The following ANK2 variants were observed in gnomAD, a reference collection of about 807,000 sequenced individuals.
ANK2 encodes ankyrin 2.
ANK2 carries 83 observed loss-of-function variants against 360.5 expected under a neutral mutation model. That is an observed-to-expected ratio of 0.23 (90% CI 0.19 to 0.28). ANK2 has a LOEUF of 0.28. Ranked by LOEUF, ANK2 falls within the 10% of genes least tolerant of loss-of-function variation. The pLI, the probability that ANK2 is intolerant of heterozygous loss-of-function variation, is 1.00. For missense variants in ANK2, 4,201 were observed against 4,795.7 expected (o/e 0.88, Z 3.66); for synonymous variants, 1,740 against 1,759.5 (o/e 0.99, Z 0.28).
In ANK2 at chr4:113,274,611, C is replaced by A. The variant is rs576163042; in HGVS notation, c.1645C>A (p.Leu549Ile). The A allele has an allele frequency of 1.2e-6, 2 of 1,614,220 alleles. No individual in the cohort carries two copies. Among genetic ancestry groups the A allele is most frequent in the Non-Finnish European group, 1.7e-6 (2 of 1,180,046 alleles). The change falls in exon 15 of 46, where the codon CTA (leucine) becomes ATA (isoleucine). Residue 549 changes from leucine (L) to isoleucine (I), a missense_variant. Around this residue, in one of 4 missense-constraint regions of ANK2, gnomAD observed 1,268 missense variants for 1,650.8 expected, o/e 0.77. Coordinates refer to ENST00000357077, the MANE Select transcript of ANK2 (RefSeq NM_001148.6). ...REGQVDVASV[L>I]LEAGAAHSLA... ...GGGCCAGGTGGATGTGGCATCAGTC[C>A]TATTGGAAGCAGGAGCAGCCCACTC... is the stretch of plus-strand genomic sequence containing the variant.
intron 1 of ANK2, among the ~76,000 whole-genome samples, chr4:113,156,703 G>T (rs1405257831): frequency 2.0e-5 from 3 of 151,734 alleles, no homozygotes; most frequent in African/African-American, 7.3e-5. Flanking sequence ...ATCAAAATAT[G>T]CAGTGTTAAG....
intron 1 of ANK2, among the ~76,000 whole-genome samples, chr4:113,067,556 C>G (rs1418787749): frequency 3.3e-5 from 5 of 152,120 alleles, no homozygotes; most frequent in Non-Finnish European, 7.3e-5. Flanking sequence ...GTTTTAGGAA[C>G]CATCAGCATG....
the ANK2 span, among the ~76,000 whole-genome samples, chr4:112,765,524 G>C: frequency 7.2e-5 from 11 of 152,162 alleles, no homozygotes; most frequent in Admixed American, 6.5e-4. Context: ...CTGTTTGTTT[G>C]TCCTTAATCA....
intron 1 of ANK2, among the ~76,000 whole-genome samples, chr4:112,853,997 C>T (rs1225251382): frequency 6.6e-6 from 1 of 152,132 alleles, no homozygotes; most frequent in Non-Finnish European, 1.5e-5. Context: ...TTTATAGTTC[C>T]TGTCCTCAGG....
At position 113,354,545 on chromosome 4, in the gene ANK2, C is replaced by G. The variant is rs1447972755; in HGVS notation, c.5927C>G (p.Ser1976Cys). Reference sequence around the variant, plus strand: ...AAAACAGAAAAGCAACCACCTGTATCCCCCACTTCAAAAACAGAGAGGATT... The same window carrying G: ...AAAACAGAAAAGCAACCACCTGTATGCCCCACTTCAAAAACAGAGAGGATT... ...SGKTEKQPPV[S>C]PTSKTERIEE... Residue 1976 changes from serine to cysteine, a missense_variant, in exon 38 of 46, where the codon TCC (serine) becomes TGC (cysteine). Coordinates refer to ENST00000357077, the MANE Select transcript of ANK2 (RefSeq NM_001148.6). The G allele has an allele frequency of 6.2e-7, 1 of 1,614,080 alleles. No individual in the cohort carries two copies. The highest frequency in any genetic ancestry group is 1.3e-5 in the African/African-American group (1 of 75,002).
intron 1 of ANK2, among the ~76,000 whole-genome samples, chr4:112,889,910 C>T (rs1000132282): frequency 6.6e-6 from 1 of 152,076 alleles, no homozygotes; most frequent in East Asian, 1.9e-4. Context: ...TCTGTGGGAC[C>T]GTGATGTTTT....
chr4:113,085,345 A>T (rs1223540542), intron 1 of ANK2, among the ~76,000 whole-genome samples: 1 of 151,422 alleles, frequency 6.6e-6, no homozygotes, highest in African/African-American at 2.4e-5. Context: ...ATGGAGTCTC[A>T]CTCTGTCGCC....
intron 26 of ANK2, chr4:113,323,867 T>C: frequency 1.4e-6 from 2 of 1,445,474 alleles, no homozygotes; most frequent in Non-Finnish European, 9.6e-7. Flanking sequence ...TCCTTCTGCA[T>C]ATTCCTTGCC....
intron 37 of ANK2, 165 bp downstream of exon 37, chr4:113,350,414 A>T: frequency 1.8e-6 from 1 of 566,526 alleles, no homozygotes; most frequent in South Asian, 2.8e-5. Flanking sequence ...TGGCCAGTTA[A>T]ATTACAAATA....
intron 4 of ANK2, among the ~76,000 whole-genome samples, chr4:113,211,074 C>T (rs774450964): frequency 2.6e-5 from 4 of 152,118 alleles, no homozygotes; most frequent in Non-Finnish European, 5.9e-5. Flanking sequence ...TTGATAGAAA[C>T]CTGGTAACTT....
chr4:113,039,997 A>G (rs2154312281), intron 2 of ANK2, among the ~76,000 whole-genome samples: 1 of 152,186 alleles, frequency 6.6e-6, no homozygotes. Context: ...TTTAAGATAG[A>G]AAATGTTTAC....
intron 1 of ANK2, among the ~76,000 whole-genome samples, chr4:113,140,779 G>A (rs2096608328): frequency 1.3e-5 from 2 of 152,072 alleles, no homozygotes; most frequent in Admixed American, 1.3e-4. Context: ...AGGAGTTCAA[G>A]ACCAGCCTAA....
chr4:112,734,050 CA>C, the ANK2 span, among the ~76,000 whole-genome samples: 1 of 152,202 alleles, frequency 6.6e-6, no homozygotes, highest in Non-Finnish European at 1.5e-5. Flanking sequence ...GCTGGGTTTA[CA>C]GGCGTGAGCC....
rs1382298894 is a variant in ANK2, at chr4:113,383,022, C to T, written c.*1551C>T. On this transcript the variant is annotated 3_prime_UTR_variant, in exon 46 of 46. Coordinates refer to ENST00000357077, the MANE Select transcript of ANK2 (RefSeq NM_001148.6). ...TGTAGCATTTTAACATATATATATTCACAAATATATTCATATAAACAGTAT... is the reference window on the plus strand; with the variant it reads ...TGTAGCATTTTAACATATATATATTTACAAATATATTCATATAAACAGTAT... The T allele has an allele frequency of 3.9e-5, 6 of 152,490 alleles. No individual in the cohort carries two copies. Among genetic ancestry groups the T allele is most frequent in the South Asian group, 4.2e-4 (2 of 4,818 alleles). 9.4% of individuals were successfully genotyped at this position (152,490 alleles called of 1,614,324 possible). A position where few individuals can be genotyped will look rare whatever the true frequency, so the allele number is the denominator to read the frequency against.
At chr4:112,770,711 CAAAA>C in the ANK2 span, among the ~76,000 whole-genome samples, 4 of 121,578 alleles carry the variant, frequency 3.3e-5, no homozygotes, top group African/African-American at 7.0e-5. Flanking sequence ...CTCTCTCTCT[CAAAA>C]AAAAAAAAAA....
chr4:112,748,188 T>TA, the ANK2 span, among the ~76,000 whole-genome samples: 3 of 152,174 alleles, frequency 2.0e-5, no homozygotes, highest in Non-Finnish European at 4.4e-5. Flanking sequence ...AACAAAGTTT[T>TA]AAAATCTGGA....
At chr4:112,912,633 A>C (rs1461865217) in intron 2 of ANK2, among the ~76,000 whole-genome samples, 3 of 152,110 alleles carry the variant, frequency 2.0e-5, no homozygotes, top group Non-Finnish European at 4.4e-5. Flanking sequence ...AGCCCACACT[A>C]TGGTTTCTAG....
chr4:113,147,432 A>G (rs1388202134), intron 1 of ANK2, among the ~76,000 whole-genome samples: 1 of 152,208 alleles, frequency 6.6e-6, no homozygotes, highest in East Asian at 1.9e-4. Flanking sequence ...AAAATGTACA[A>G]TGTCATTTCT....
chr4:112,707,785 A>C, the ANK2 span, among the ~76,000 whole-genome samples: 1 of 152,194 alleles, frequency 6.6e-6, no homozygotes, highest in Non-Finnish European at 1.5e-5. Flanking sequence ...GATCTAGCAA[A>C]AATACGTATA....
Sources: gnomAD v4.1 joint callset for allele counts (sites outside exome capture counted in the v4.1 genomes callset) on GRCh38, gnomAD v4.1.1 for gene constraint, gnomAD v4.1.1 regional missense constraint, MANE v1.5 for transcripts, NCBI Gene and HGNC (gene_info 2026-07-23, HGNC 2026-07-21) for gene names.